The following NIN variants were observed in gnomAD, a reference collection of about 807,000 sequenced individuals.
The protein encoded by NIN is ninein, also known as glycogen synthase kinase 3 beta-interacting protein.
In NIN, 137 loss-of-function variants were observed where a neutral mutation model predicts 257.6. The observed-to-expected ratio is 0.53, with a 90% confidence interval of 0.46 to 0.61. The LOEUF (loss-of-function observed/expected upper bound fraction) is 0.61. Ranked by LOEUF, NIN falls within the 20% of genes least tolerant of loss-of-function variation. The pLI, the probability that NIN is intolerant of heterozygous loss-of-function variation, is 0.00. For missense variants in NIN, 2,439 were observed against 2,501.2 expected (o/e 0.98, Z 0.53); for synonymous variants, 918 against 919.8 (o/e 1.00, Z 0.04).
At position 50,760,399 on chromosome 14, in the gene NIN, T is replaced by C. The variant is rs773935388; in HGVS notation, c.1897-40A>G. On this transcript the variant is annotated intron_variant, in intron 16 of 30. Coordinates refer to ENST00000530997, the MANE Select transcript of NIN (RefSeq NM_020921.4). ...TGACACCACCACAAGATTACTCAGC[T>C]CAAGGTCACTGAAAGTGAAGTGATG... 4.3e-6 allele frequency: 6 copies of C among 1,398,326 alleles called. No homozygotes were observed. The African/African-American group carries it at 8.9e-5, about 21-fold the overall frequency. 86.6% of individuals were successfully genotyped at this position (1,398,326 alleles called of 1,614,324 possible). A position where few individuals can be genotyped will look rare whatever the true frequency, so the allele number is the denominator to read the frequency against.
chr14:50,772,934 CTGCT>C lies in NIN; in HGVS notation c.813+11_813+14del. 1 of 1,601,008 alleles carries C rather than the reference CTGCT, an allele frequency of 6.2e-7. No individual in the cohort carries two copies. Among genetic ancestry groups the C allele is most frequent in the Non-Finnish European group, 8.5e-7 (1 of 1,174,892 alleles). Reference sequence around the variant, plus strand: ...ACTTTTATTCACAAAGAAAGCACTTCTGCTTATTTTTTACCTGCATGGAAAGGTG... The same window carrying C: ...ACTTTTATTCACAAAGAAAGCACTTCTATTTTTTACCTGCATGGAAAGGTG... On this transcript the variant is annotated intron_variant, in intron 8 of 30. Coordinates refer to ENST00000530997, the MANE Select transcript of NIN (RefSeq NM_020921.4).
chr14:50,824,198 G>A lies in NIN; in HGVS notation c.-21-2121C>T, dbSNP rs758933336. ...TTTTTAAAAATTATTTTTAAGGGGC[G>A]GGGATTTGTCCATCTTAAACCAATG... On this transcript the variant is annotated intron_variant, in intron 2 of 30. Transcript: ENST00000530997. Among the ~76,000 whole-genome samples the A allele has an allele frequency of 5.3e-5, 8 of 152,158 alleles. No individual in the cohort carries two copies. The East Asian group carries it at 1.2e-3, about 22-fold the overall frequency.
chr14:50,792,890 G>C lies in NIN; in HGVS notation c.266-9C>G. On this transcript the variant is annotated splice_polypyrimidine_tract_variant and intron_variant, in intron 4 of 30. Coordinates refer to ENST00000530997, the MANE Select transcript of NIN (RefSeq NM_020921.4). ...AGCTTCTAGTGAGCAGTCTGAGAGA[G>C]GAGACAAGAGTTGAGGCCACATGAC... is the stretch of plus-strand genomic sequence containing the variant. The C allele has an allele frequency of 6.2e-7, 1 of 1,614,046 alleles. No individual in the cohort carries two copies. Among genetic ancestry groups the C allele is most frequent in the Non-Finnish European group, 8.5e-7 (1 of 1,179,920 alleles).
chr14:50,783,066 GAGA>G (rs564716009), intron 5 of NIN, among the ~76,000 whole-genome samples: 40 of 152,282 alleles, frequency 2.6e-4, no homozygotes, highest in African/African-American at 9.4e-4. Context: ...GGGGTTAGGG[GAGA>G]AGGATAGTTT....
At chr14:50,771,606 G>T in intron 9 of NIN, 138 bp from the exon 10 acceptor site, 2 of 862,122 alleles carry the variant, frequency 2.3e-6, no homozygotes, top group Non-Finnish European at 1.8e-6. Context: ...TTTGGTGATT[G>T]CTTAGGAACA....
chr14:50,811,289 A>C (rs1393736970), intron 3 of NIN, among the ~76,000 whole-genome samples: 2 of 151,666 alleles, frequency 1.3e-5, no homozygotes, highest in Non-Finnish European at 2.9e-5. Context: ...TTGTGTTTTT[A>C]GTAGAGACGG....
intron 28 of NIN, among the ~76,000 whole-genome samples, chr14:50,733,084 CTA>C (rs1264460340): frequency 7.3e-6 from 1 of 137,150 alleles, no homozygotes; most frequent in Admixed American, 7.2e-5. Flanking sequence ...TTGTGTAAAT[CTA>C]TAGCATTAAT....
intron 4 of NIN, among the ~76,000 whole-genome samples, chr14:50,802,350 T>TA (rs1306693230): frequency 6.6e-6 from 1 of 152,152 alleles, no homozygotes; most frequent in African/African-American, 2.4e-5. Flanking sequence ...ATATCTGAGT[T>TA]AAAAAGATGC....
chr14:50,820,394 G>A (rs892684963), intron 3 of NIN, among the ~76,000 whole-genome samples: 1 of 152,090 alleles, frequency 6.6e-6, no homozygotes, highest in Non-Finnish European at 1.5e-5. Context: ...CCATATTTAC[G>A]CAGACTCTAA....
In NIN at chr14:50,744,235, T is replaced by A. The variant is rs753621708; in HGVS notation, c.5187+8A>T. 1 of 1,613,206 alleles carries A rather than the reference T, an allele frequency of 6.2e-7. No homozygotes were observed. The highest frequency in any genetic ancestry group is 8.5e-7 in the Non-Finnish European group (1 of 1,179,398). On this transcript the variant is annotated splice_region_variant and intron_variant, in intron 23 of 30. Coordinates refer to ENST00000530997, the MANE Select transcript of NIN (RefSeq NM_020921.4). ...ACGATGATGGTAAAGTCTTATTACTTCTACTACCTTATCGACACAGCTATT... is the reference window on the plus strand; with the variant it reads ...ACGATGATGGTAAAGTCTTATTACTACTACTACCTTATCGACACAGCTATT...
At position 50,757,087 on chromosome 14, in the gene NIN, TG is replaced by T; in HGVS notation, c.3942del (p.Ile1316Ter). 6.2e-7 allele frequency: 1 copy of T among 1,613,484 alleles called. No homozygotes were observed. The highest frequency in any genetic ancestry group is 8.5e-7 in the Non-Finnish European group (1 of 1,179,784). ...ACATTCAGCCCCTCATTTTCTATTTTGACCTCATCGTAACTCTTTTCCAGGC... is the reference window on the plus strand; with the variant it reads ...ACATTCAGCCCCTCATTTTCTATTTTACCTCATCGTAACTCTTTTCCAGGC... ...FLSLEKSYDE[V>X]KIENEGLNVL... On this transcript the variant is annotated frameshift_variant, in exon 18 of 31. Coordinates refer to ENST00000530997, the MANE Select transcript of NIN (RefSeq NM_020921.4). LOFTEE classifies it high-confidence loss of function.
At chr14:50,829,588 G>A (rs950914426) in intron 2 of NIN, among the ~76,000 whole-genome samples, 1 of 152,202 alleles carries the variant, frequency 6.6e-6, no homozygotes, top group East Asian at 1.9e-4. Flanking sequence ...AAATTCAGGA[G>A]TTGAGCTGTA....
At chr14:50,785,673 A>G (rs2043315809) in intron 5 of NIN, among the ~76,000 whole-genome samples, 1 of 152,242 alleles carries the variant, frequency 6.6e-6, no homozygotes. Context: ...CTCATGAAAG[A>G]AACTTTAAGA....
In NIN at chr14:50,743,483, T is replaced by C. The variant is rs2041387288; in HGVS notation, c.5234A>G (p.Gln1745Arg). The C allele has an allele frequency of 6.2e-7, 1 of 1,613,782 alleles. No individual in the cohort carries two copies. The highest frequency in any genetic ancestry group is 8.5e-7 in the Non-Finnish European group (1 of 1,179,768). ...LLEHRIATMK[Q>R]EQKSWEHQSA... ...CTGATGTTCCCAGGATTTCTGTTCC[T>C]GCTTCATCGTCGCAATTCTATGCTC... Residue 1745 changes from glutamine (Q) to arginine (R), a missense_variant, in exon 24 of 31, where the codon CAG becomes CGG. This residue lies in a region of NIN where 2,043 missense variants were observed against 2,050.2 expected (regional missense o/e 1.00). Coordinates refer to ENST00000530997, the MANE Select transcript of NIN (RefSeq NM_020921.4).
chr14:50,759,791 A>T (rs1052812037), intron 17 of NIN, 66 bp downstream of exon 17: 1 of 1,519,550 alleles, frequency 6.6e-7, no homozygotes, highest in African/African-American at 1.4e-5. Context: ...GCCCAGCCAC[A>T]ACTGGCACTT....
chr14:50,758,176 C>T lies in NIN; in HGVS notation c.2854G>A (p.Glu952Lys). 1.2e-6 allele frequency: 2 copies of T among 1,614,248 alleles called. No homozygotes were observed. Among genetic ancestry groups the T allele is most frequent in the Non-Finnish European group, 1.7e-6 (2 of 1,180,042 alleles). The change falls in exon 18 of 31, where the codon GAG becomes AAG. Residue 952 changes from glutamate to lysine, a missense_variant. By Grantham distance (56) the Glu-to-Lys change is moderately conservative (BLOSUM62 1). Around this residue, in one of 3 missense-constraint regions of NIN, gnomAD observed 2,043 missense variants for 2,050.2 expected, o/e 1.00. Coordinates refer to ENST00000530997, the MANE Select transcript of NIN (RefSeq NM_020921.4). The stretch of plus-strand genomic sequence containing the variant: ...GCCCCTGCCTGGCACAGGACCTCCT[C>T]ACGCTCCCTCAGTTCCCTTTTGTGA... ...SSHKRELRER[E>K]EVLCQAGASE...
At position 50,735,444 on chromosome 14, in the gene NIN, C is replaced by T. The variant is rs140679633; in HGVS notation, c.5877+72G>A. On this transcript the variant is annotated intron_variant, in intron 28 of 30. Coordinates refer to ENST00000530997, the MANE Select transcript of NIN (RefSeq NM_020921.4). Reference sequence around the variant, plus strand: ...ACGGGAATTCAATGCCATGTCTAGTCTCTCCCAACAAATACCTCATTCATG... The same window carrying T: ...ACGGGAATTCAATGCCATGTCTAGTTTCTCCCAACAAATACCTCATTCATG... 16 of 1,545,614 alleles carry T rather than the reference C, an allele frequency of 1.0e-5. No individual in the cohort carries two copies. In the South Asian group the frequency reaches 1.9e-4, roughly 18 times the overall value.
chr14:50,741,752 A>G (rs2041295250), intron 24 of NIN, 24 bp from the exon 25 acceptor site: 1 of 1,609,506 alleles, frequency 6.2e-7, no homozygotes, highest in Admixed American at 1.7e-5. Context: ...ATGATCTTTT[A>G]CTGCTACACA....
intron 3 of NIN, among the ~76,000 whole-genome samples, chr14:50,811,544 C>CTTTTTTTTTTTTTTTTTTTT (rs55734117): frequency 1.3e-5 from 1 of 75,296 alleles, no homozygotes; most frequent in Non-Finnish European, 2.4e-5. Context: ...AATGGTCAAG[C>CTTTTTTTTTTTTTTTTTTTT]TTTTTTTTTT....
Sources: allele counts gnomAD v4.1 joint callset (sites outside exome capture counted in the v4.1 genomes callset), GRCh38; gene constraint gnomAD v4.1.1; regional missense constraint gnomAD v4.1.1; transcripts MANE v1.5; gene names NCBI Gene and HGNC (gene_info 2026-07-23, HGNC 2026-07-21).